GET1: variants seen among roughly 807,000 people sequenced by gnomAD.
GET1 encodes congenital heart disease 5 protein.
In GET1, 20 loss-of-function variants were observed where a neutral mutation model predicts 22.6. The ratio of observed to expected loss-of-function variants is 0.89; its 90% CI spans 0.62 to 1.29. The LOEUF (loss-of-function observed/expected upper bound fraction) is 1.29. Among genes scored for constraint, GET1 ranks in the 50% most tolerant of loss-of-function variants. The pLI, the probability that GET1 is intolerant of heterozygous loss-of-function variation, is 0.00. For synonymous variants in GET1, 92 were observed against 83.8 expected (o/e 1.10, Z -0.53); for missense variants, 209 against 219.9 (o/e 0.95, Z 0.31).
intron 1 of GET1, among the ~76,000 whole-genome samples, chr21:39,417,860 A>G (rs532632047): frequency 1.1e-3 from 172 of 151,998 alleles, no homozygotes; most frequent in African/African-American, 3.6e-3. Flanking sequence ...CCGCCTCCCG[A>G]GTTCACACCA....
At chr21:39,385,230 C>T (rs991666379) in intron 1 of GET1, among the ~76,000 whole-genome samples, 5 of 152,108 alleles carry the variant, frequency 3.3e-5, no homozygotes, top group Non-Finnish European at 5.9e-5. Context: ...CTGAAGCTTT[C>T]GTCTTAGCAG....
chr21:39,427,616 G>C (rs7278318), intron 1 of GET1: 150,499 of 150,542 alleles, frequency 1, 75,228 homozygotes, highest in Middle Eastern at 1. Context: ...GAGCCGAGAT[G>C]GCGCCACTGC....
chr21:39,390,791 A>T lies in GET1; in HGVS notation c.196A>T (p.Met66Leu), dbSNP rs1188953836. 4.3e-6 allele frequency: 7 copies of T among 1,614,194 alleles called. No individual in the cohort carries two copies. Among genetic ancestry groups the T allele is most frequent in the Non-Finnish European group, 5.1e-6 (6 of 1,180,040 alleles). ...MKQELSTVNM[M>L]DEFARYARLE... The stretch of plus-strand genomic sequence containing the variant: ...GCAGGAGCTCTCCACAGTCAACATG[A>T]TGGACGAGTTTGCCAGATATGCCAG... The change falls in exon 2 of 5, where the codon ATG (methionine) becomes TTG (leucine). Residue 66 changes from methionine to leucine, a missense_variant. Met to Leu is a conservative substitution (Grantham distance 15). Coordinates refer to ENST00000649170, the MANE Select transcript of GET1 (RefSeq NM_004627.6).
rs746508500 is a variant in GET1 at position 39,380,367 on chromosome 21, C to G, written c.-18C>G. 4 of 1,587,670 alleles carry G rather than the reference C, an allele frequency of 2.5e-6. No individual in the cohort carries two copies. The African/African-American group carries it at 4.0e-5, about 16-fold the overall frequency. On this transcript the variant is annotated 5_prime_UTR_variant, in exon 1 of 5. Transcript: ENST00000649170. ...TGGAGCTGCCGTAGCGGACCCAGCACAGCCAGGAGCGTCCGGGATGAGCTC... is the reference window on the plus strand; with the variant it reads ...TGGAGCTGCCGTAGCGGACCCAGCAGAGCCAGGAGCGTCCGGGATGAGCTC...
chr21:39,414,738 C>CTGTGTGTG (rs763309098), intron 1 of GET1, among the ~76,000 whole-genome samples: 3,824 of 106,912 alleles, frequency 0.036, 72 homozygotes, highest in Middle Eastern at 0.068. Flanking sequence ...CTCTCTCTCT[C>CTGTGTGTG]TCTCTGTGTG....
Position 39,397,222 on chromosome 21 carries a change from T to C in GET1, c.*283T>C, listed in dbSNP as rs549777319. On this transcript the variant is annotated 3_prime_UTR_variant, in exon 5 of 5. Coordinates refer to ENST00000649170, the MANE Select transcript of GET1 (RefSeq NM_004627.6). ...GAAATGTTTAGGGACATCTCCATGC[T>C]GTCACTTGTGATTTGCCCTCTTATG... The C allele has an allele frequency of 3.0e-6, 1 of 338,842 alleles. No individual in the cohort carries two copies. Among genetic ancestry groups the C allele is most frequent in the South Asian group, 5.3e-5 (1 of 18,842 alleles). The allele number at this position is 338,842 out of a possible 1,614,324, so 21.0% of individuals were successfully genotyped here. A position where few individuals can be genotyped will look rare whatever the true frequency, so the allele number is the denominator to read the frequency against.
intron 4 of GET1, among the ~76,000 whole-genome samples, chr21:39,405,172 T>G (rs2038978057): frequency 6.6e-6 from 1 of 152,046 alleles, no homozygotes; most frequent in African/African-American, 2.4e-5. Flanking sequence ...TTGATCATAT[T>G]GTTCCCTTTC....
chr21:39,396,808 G>A, intron 4 of GET1, 58 bp from the exon 5 acceptor site: 1 of 1,493,068 alleles, frequency 6.7e-7, no homozygotes, highest in Non-Finnish European at 9.3e-7. Flanking sequence ...AGACAGCAGA[G>A]ACAGATGGGG....
At chr21:39,420,759 T>G (rs766722088) in intron 1 of GET1, 7 of 1,613,654 alleles carry the variant, frequency 4.3e-6, no homozygotes, top group Non-Finnish European at 5.9e-6. Flanking sequence ...TTGGTAGCTG[T>G]CTGAGCTGCT....
chr21:39,419,523 CAA>C (rs5843964), intron 1 of GET1, among the ~76,000 whole-genome samples: 1 of 123,552 alleles, frequency 8.1e-6, no homozygotes. Flanking sequence ...AGACCCTGTT[CAA>C]AAAAAAAAAA....
chr21:39,394,385 T>C (rs772169156), intron 4 of GET1, among the ~76,000 whole-genome samples: 3 of 152,214 alleles, frequency 2.0e-5, no homozygotes, highest in Non-Finnish European at 4.4e-5. Context: ...TGATATGTTT[T>C]TCTTTGCCTT....
chr21:39,381,027 G>A, intron 1 of GET1: 3 of 823,072 alleles, frequency 3.6e-6, no homozygotes, highest in Non-Finnish European at 4.4e-6. Context: ...CTGCCAGGTA[G>A]TGAGTACATT....
At chr21:39,420,822 A>G in intron 1 of GET1, 2 of 1,612,632 alleles carry the variant, frequency 1.2e-6, no homozygotes, top group Admixed American at 1.7e-5. Flanking sequence ...CTGCAGTTCA[A>G]CCTCAGTTGT....
intron 1 of GET1, chr21:39,422,540 A>G (rs772047472): frequency 4.6e-5 from 9 of 195,796 alleles, no homozygotes; most frequent in Non-Finnish European, 7.2e-5. Context: ...GAGGGAGAAT[A>G]CAAAGGCCCT....
chr21:39,380,597 G>C lies in GET1; in HGVS notation c.102+111G>C, dbSNP rs2037494220. 14 of 1,497,624 alleles carry C rather than the reference G, an allele frequency of 9.3e-6. No individual in the cohort carries two copies. In the South Asian group the frequency reaches 1.3e-4, roughly 13 times the overall value. 92.8% of individuals were successfully genotyped at this position (1,497,624 alleles called of 1,614,324 possible). On this transcript the variant is annotated intron_variant, in intron 1 of 4. Transcript: ENST00000649170. ...CTGGGCGACTGAAGGCCGTAGTAGC[G>C]TCTTGGTTGGTCCGTAAGCTTTTTT...
intron 1 of GET1, among the ~76,000 whole-genome samples, chr21:39,383,845 ATTC>A (rs1358739832): frequency 6.6e-6 from 1 of 152,128 alleles, no homozygotes; most frequent in Non-Finnish European, 1.5e-5. Flanking sequence ...GGTTCAAGCA[ATTC>A]TTCTGTCTCA....
At chr21:39,428,406 T>A in exon 2 of GET1, 1 of 1,613,142 alleles carries the variant, frequency 6.2e-7, no homozygotes, top group Non-Finnish European at 8.5e-7. Context: ...GGGCTTCTCT[T>A]GCATGCTGCA....
chr21:39,415,467 C>CT (rs2040971309), intron 1 of GET1, among the ~76,000 whole-genome samples: 1 of 152,220 alleles, frequency 6.6e-6, no homozygotes, highest in Non-Finnish European at 1.5e-5. Flanking sequence ...TTCCCACTCT[C>CT]TCTGACCACT....
chr21:39,398,948 C>T (rs1440000882), downstream of GET1, among the ~76,000 whole-genome samples: 1 of 151,984 alleles, frequency 6.6e-6, no homozygotes, highest in African/African-American at 2.4e-5. Flanking sequence ...CCATGTTGGC[C>T]AGGTTGGTCT....
Sources: gnomAD v4.1 joint callset for allele counts (sites outside exome capture counted in the v4.1 genomes callset) on GRCh38, gnomAD v4.1.1 for gene constraint, MANE v1.5 for transcripts, NCBI Gene and HGNC (gene_info 2026-07-23, HGNC 2026-07-21) for gene names.